Variants in SMC3 observed in about 807,000 individuals in gnomAD.
The protein encoded by SMC3 is structural maintenance of chromosomes protein 3.
In SMC3, 20 loss-of-function variants were observed where a neutral mutation model predicts 171.8. That is an observed-to-expected ratio of 0.12 (90% CI 0.08 to 0.17). The LOEUF is 0.17. Among genes scored for constraint, SMC3 ranks in the 10% least tolerant of loss-of-function variants. The pLI is 1.00. For synonymous variants in SMC3, 464 were observed against 451.1 expected (o/e 1.03, Z -0.36); for missense variants, 543 against 1,420.4 (o/e 0.38, Z 9.93).
chr10:110,596,091 G>A (rs547780932), intron 18 of SMC3, among the ~76,000 whole-genome samples: 109 of 151,524 alleles, frequency 7.2e-4, no homozygotes, highest in Middle Eastern at 6.8e-3. Context: ...GTGTGGTGGT[G>A]CACACCTGTA....
intron 16 of SMC3, 109 bp downstream of exon 16, chr10:110,590,681 C>T (rs551752795): frequency 4.5e-5 from 42 of 934,476 alleles, no homozygotes; most frequent in Non-Finnish European, 6.2e-5. Context: ...TTTTATATCT[C>T]GGTTCCTTAA....
Position 110,594,305 on chromosome 10 carries a change from G to A in SMC3, c.1963+1082G>A, listed in dbSNP as rs1490424691. ...ATCACAAAGGAGATGAATTGTATTC[G>A]CATGGTTATTATTTTAAAAAATATT... On this transcript the variant is annotated intron_variant, in intron 18 of 28. Coordinates refer to ENST00000361804, the MANE Select transcript of SMC3 (RefSeq NM_005445.4). Among the ~76,000 whole-genome samples the A allele has an allele frequency of 4.0e-5, 6 of 150,982 alleles. No homozygotes were observed. In the East Asian group the frequency reaches 5.8e-4, roughly 15 times the overall value.
chr10:110,585,636 T>G (rs111704673), intron 13 of SMC3, among the ~76,000 whole-genome samples: 2 of 151,708 alleles, frequency 1.3e-5, no homozygotes, highest in African/African-American at 4.8e-5. Flanking sequence ...CAGCATCTTA[T>G]GTTACATTTA....
At chr10:110,576,397 C>T (rs1173975253) in intron 4 of SMC3, among the ~76,000 whole-genome samples, 2 of 152,086 alleles carry the variant, frequency 1.3e-5, no homozygotes, top group African/African-American at 4.8e-5. Context: ...ATTGGGTTTT[C>T]GTGTTCATGT....
chr10:110,595,958 C>T (rs1861294003), intron 18 of SMC3, among the ~76,000 whole-genome samples: 1 of 98,126 alleles, frequency 1.0e-5, no homozygotes, highest in African/African-American at 4.0e-5. Context: ...CAAATTTTGG[C>T]TGGGCACAGT....
At chr10:110,582,468 T>C (rs1861046819) in intron 9 of SMC3, 94 bp from the exon 10 acceptor site, 3 of 871,674 alleles carry the variant, frequency 3.4e-6, no homozygotes, top group Non-Finnish European at 5.4e-6. Context: ...CAGTTACTTT[T>C]GGTTTATTTT....
chr10:110,595,399 G>C (rs1221987699), intron 18 of SMC3, among the ~76,000 whole-genome samples: 1 of 152,076 alleles, frequency 6.6e-6, no homozygotes, highest in Admixed American at 6.6e-5. Flanking sequence ...AATATTGTTG[G>C]CATGAATGCT....
rs781303378 is a variant in SMC3 at position 110,578,623 on chromosome 10, A to C, written c.351-5A>C. 6.2e-7 allele frequency: 1 copy of C among 1,602,716 alleles called. No homozygotes were observed. Among genetic ancestry groups the C allele is most frequent in the South Asian group, 1.1e-5 (1 of 89,596 alleles). ...TCGGAAAGTAATTTCATTGTTTGTC[A>C]ACAGGAAAAATGATGTGATGAACCT... On this transcript the variant is annotated splice_region_variant and splice_polypyrimidine_tract_variant and intron_variant, in intron 6 of 28. Coordinates refer to ENST00000361804, the MANE Select transcript of SMC3 (RefSeq NM_005445.4).
chr10:110,578,167 G>A (rs770866955), intron 6 of SMC3, among the ~76,000 whole-genome samples: 3 of 152,002 alleles, frequency 2.0e-5, no homozygotes, highest in African/African-American at 4.8e-5. Flanking sequence ...TCCACCTCCC[G>A]GGTTCAAGCT....
intron 7 of SMC3, among the ~76,000 whole-genome samples, chr10:110,580,562 A>G (rs1405195501): frequency 6.6e-6 from 1 of 152,248 alleles, no homozygotes; most frequent in Admixed American, 6.5e-5. Context: ...CATTAGCCAA[A>G]TCATAATCTG....
chr10:110,575,610 G>C (rs546536757), intron 4 of SMC3, among the ~76,000 whole-genome samples: 2 of 152,146 alleles, frequency 1.3e-5, no homozygotes, highest in African/African-American at 4.8e-5. Context: ...TGGTTTAGGA[G>C]AAAATTATAG....
chr10:110,572,062 A>G (rs887743388), intron 2 of SMC3, among the ~76,000 whole-genome samples: 24 of 152,244 alleles, frequency 1.6e-4, no homozygotes, highest in Non-Finnish European at 3.4e-4. Context: ...AAATAGTTTC[A>G]AATTTACAGA....
At chr10:110,571,783 TGG>T (rs1564787571) in intron 2 of SMC3, among the ~76,000 whole-genome samples, 2 of 13,156 alleles carry the variant, frequency 1.5e-4, no homozygotes, top group Admixed American at 7.3e-4. Flanking sequence ...TAAATAAAAA[TGG>T]GTTCATTTTT....
At position 110,575,402 on chromosome 10, in the gene SMC3, A is replaced by G. The variant is rs1287384889; in HGVS notation, c.197A>G (p.His66Arg). Residue 66 changes from histidine (H) to arginine (R), a missense_variant and splice_region_variant, in exon 4 of 29, where the codon CAT (histidine) becomes CGT (arginine). Transcript: ENST00000361804. Reference protein sequence around the residue: ...LRPEQRLALLHEGTGPRVISA... With the variant: ...LRPEQRLALLREGTGPRVISA... ...CCAGAACAGCGGTTGGCTTTATTGC[A>G]TGTGAGTGAGACTGCTTTAAGACAT... is the stretch of plus-strand genomic sequence containing the variant. 6.2e-7 allele frequency: 1 copy of G among 1,607,988 alleles called. No individual in the cohort carries two copies. The highest frequency in any genetic ancestry group is 8.5e-7 in the Non-Finnish European group (1 of 1,174,680).
At chr10:110,590,762 G>A (rs1861193789) in intron 16 of SMC3, among the ~76,000 whole-genome samples, 190 bp downstream of exon 16, 1 of 152,162 alleles carries the variant, frequency 6.6e-6, no homozygotes, top group African/African-American at 2.4e-5. Context: ...CCTCTTTTGG[G>A]AGTTTCTCCC....
At chr10:110,581,572 A>G (rs1861030539) in intron 8 of SMC3, among the ~76,000 whole-genome samples, 1 of 152,184 alleles carries the variant, frequency 6.6e-6, no homozygotes, top group Admixed American at 6.5e-5. Flanking sequence ...ACATGTTATA[A>G]AAGAACCAGT....
In SMC3 at chr10:110,604,404, A is replaced by G; in HGVS notation, c.*102A>G. 2.5e-6 allele frequency: 2 copies of G among 810,004 alleles called. No individual in the cohort carries two copies. The highest frequency in any genetic ancestry group is 5.2e-5 in the East Asian group (2 of 38,510). The allele number at this position is 810,004 out of a possible 1,614,324, so 50.2% of individuals were successfully genotyped here. On this transcript the variant is annotated 3_prime_UTR_variant, in exon 29 of 29. Coordinates refer to ENST00000361804, the MANE Select transcript of SMC3 (RefSeq NM_005445.4). Reference sequence around the variant, plus strand: ...CCTAAATATTTGGCCAATAGTTTTCAGACTTAAAGCATCATAGTCCTTTTA... The same window carrying G: ...CCTAAATATTTGGCCAATAGTTTTCGGACTTAAAGCATCATAGTCCTTTTA...
chr10:110,599,838 G>C (rs752174965), intron 21 of SMC3, 26 bp downstream of exon 21: 8 of 1,611,664 alleles, frequency 5.0e-6, no homozygotes, highest in Non-Finnish European at 6.8e-6. Context: ...ACTGGAAAAA[G>C]AATTCGTTAG....
chr10:110,584,196 A>G lies in SMC3; in HGVS notation c.1105A>G (p.Thr369Ala), dbSNP rs767656062. The part of the protein sequence containing the change: ...ERGIARLAQA[T>A]QERTDLYAKQ... ...TATTTTGTGTAGATTGGCTCAAGCT[A>G]CCCAGGAAAGAACGGATCTTTATGC... Residue 369 changes from threonine to alanine, a missense_variant, in exon 13 of 29, where the codon ACC (threonine) becomes GCC (alanine). By Grantham distance (58) the Thr-to-Ala change is moderately conservative. Coordinates refer to ENST00000361804, the MANE Select transcript of SMC3 (RefSeq NM_005445.4). 2 of 1,613,078 alleles carry G rather than the reference A, an allele frequency of 1.2e-6. No individual in the cohort carries two copies. Among genetic ancestry groups the G allele is most frequent in the Non-Finnish European group, 1.7e-6 (2 of 1,179,730 alleles).
Sources: gnomAD v4.1 joint callset for allele counts (sites outside exome capture counted in the v4.1 genomes callset) on GRCh38, gnomAD v4.1.1 for gene constraint, MANE v1.5 for transcripts, NCBI Gene and HGNC (gene_info 2026-07-23, HGNC 2026-07-21) for gene names.